Variants in ZFAND3 observed in about 807,000 individuals in gnomAD.
ZFAND3 encodes AN1-type zinc finger protein 3.
ZFAND3 carries 10 observed loss-of-function variants against 29.6 expected under a neutral mutation model. The observed-to-expected ratio is 0.34, with a 90% confidence interval of 0.21 to 0.57. ZFAND3 has a LOEUF of 0.57. Among genes scored for constraint, ZFAND3 ranks in the 20% least tolerant of loss-of-function variants. ZFAND3 has a pLI of 0.86. For missense variants in ZFAND3, 230 were observed against 304.5 expected (o/e 0.76, Z 1.82); for synonymous variants, 128 against 112.6 (o/e 1.14, Z -0.87).
At chr6:37,953,451 T>A (rs1351702585) in intron 2 of ZFAND3, among the ~76,000 whole-genome samples, 1 of 148,214 alleles carries the variant, frequency 6.7e-6, no homozygotes, top group East Asian at 2.0e-4. Flanking sequence ...CTTTTTTTTT[T>A]TTTTTTTTTG....
At chr6:38,046,454 A>T (rs1581868973) in intron 2 of ZFAND3, among the ~76,000 whole-genome samples, 1 of 152,250 alleles carries the variant, frequency 6.6e-6, no homozygotes, top group African/African-American at 2.4e-5. Context: ...TCCCAAATGA[A>T]AAATATTTCT....
intron 2 of ZFAND3, among the ~76,000 whole-genome samples, chr6:38,006,258 A>G (rs965780397): frequency 1.3e-5 from 2 of 152,206 alleles, no homozygotes; most frequent in East Asian, 1.9e-4. Flanking sequence ...GTTTAATAAC[A>G]GGATATGTAA....
chr6:37,855,110 G>A (rs182449252), intron 1 of ZFAND3, among the ~76,000 whole-genome samples: 45 of 150,556 alleles, frequency 3.0e-4, no homozygotes, highest in Non-Finnish European at 4.3e-4. Flanking sequence ...GCAAGGTAGC[G>A]CTAAGGGAGT....
intron 1 of ZFAND3, among the ~76,000 whole-genome samples, chr6:37,823,855 A>G (rs1253851772): frequency 6.6e-6 from 1 of 151,804 alleles, no homozygotes; most frequent in African/African-American, 2.4e-5. Flanking sequence ...GCAATGGCGC[A>G]AGCTTGGCTC....
chr6:38,058,095 A>G (rs1176942413), intron 2 of ZFAND3, among the ~76,000 whole-genome samples: 2 of 152,226 alleles, frequency 1.3e-5, no homozygotes, highest in Admixed American at 1.3e-4. Flanking sequence ...TCAAAGTAGC[A>G]TGGCAAGCAT....
chr6:38,055,804 C>A (rs983952525), intron 2 of ZFAND3, among the ~76,000 whole-genome samples: 1 of 152,128 alleles, frequency 6.6e-6, no homozygotes, highest in African/African-American at 2.4e-5. Flanking sequence ...TAAGAGTACC[C>A]TTAAAGACAC....
intron 4 of ZFAND3, among the ~76,000 whole-genome samples, chr6:38,109,178 C>CT (rs1210795483): frequency 0.081 from 10,528 of 130,680 alleles, 539 homozygotes; most frequent in Non-Finnish European, 0.092. Flanking sequence ...GCTGCCATGA[C>CT]TTTTTTTTTT....
At chr6:38,003,708 G>A (rs576941291) in intron 2 of ZFAND3, 8 of 333,340 alleles carry the variant, frequency 2.4e-5, no homozygotes, top group Non-Finnish European at 4.2e-5. Context: ...GTTTTGCCAT[G>A]TTGACCAGGC....
At chr6:38,103,426 C>CATATATATACACGTGT (rs1352820100) in intron 4 of ZFAND3, among the ~76,000 whole-genome samples, 1 of 133,192 alleles carries the variant, frequency 7.5e-6, no homozygotes, top group Non-Finnish European at 1.6e-5. Context: ...TATACACACA[C>CATATATATACACGTGT]ATATATATAC....
intron 1 of ZFAND3, among the ~76,000 whole-genome samples, chr6:37,882,608 A>G (rs534604555): frequency 5.9e-5 from 9 of 151,534 alleles, no homozygotes; most frequent in African/African-American, 1.7e-4. Context: ...GCCCCTCCCA[A>G]TCCCCACCAC....
intron 1 of ZFAND3, among the ~76,000 whole-genome samples, chr6:37,828,465 A>G (rs1405866280): frequency 6.6e-6 from 1 of 152,200 alleles, no homozygotes; most frequent in Non-Finnish European, 1.5e-5. Context: ...AAGATTTACG[A>G]TGAGACACAT....
At chr6:38,144,184 A>AATATATATATATATATATATATATATAAT (rs1257637281) in intron 5 of ZFAND3, among the ~76,000 whole-genome samples, 4 of 42,544 alleles carry the variant, frequency 9.4e-5, no homozygotes, top group African/African-American at 2.1e-4. Flanking sequence ...ATATATATAT[A>AATATATATATATATATATATATATATAAT]ATATATATAT....
chr6:38,010,904 CTTT>C (rs35362297), intron 2 of ZFAND3, among the ~76,000 whole-genome samples: 3 of 131,082 alleles, frequency 2.3e-5, no homozygotes, highest in Non-Finnish European at 1.6e-5. Flanking sequence ...CCCGGCCCAA[CTTT>C]TTTTTTTTTT....
chr6:37,974,619 C>T (rs1439001655), intron 2 of ZFAND3, among the ~76,000 whole-genome samples: 1 of 152,038 alleles, frequency 6.6e-6, no homozygotes. Flanking sequence ...TGGTCTCAAA[C>T]TCATGGGCTC....
intron 1 of ZFAND3, among the ~76,000 whole-genome samples, chr6:37,831,987 G>A (rs1168856858): frequency 6.6e-6 from 1 of 152,192 alleles, no homozygotes; most frequent in African/African-American, 2.4e-5. Flanking sequence ...GGATGCATTG[G>A]AGTGTATAGG....
chr6:37,844,468 C>T (rs1002236711), intron 1 of ZFAND3, among the ~76,000 whole-genome samples: 11 of 151,136 alleles, frequency 7.3e-5, no homozygotes, highest in East Asian at 2.0e-4. Flanking sequence ...TTCTTAGTAG[C>T]GATGGGGTTT....
intron 2 of ZFAND3, among the ~76,000 whole-genome samples, chr6:37,993,664 T>C (rs78363519): frequency 1.3e-3 from 203 of 152,296 alleles, no homozygotes; most frequent in Non-Finnish European, 2.3e-3. Context: ...CTCCAAATTA[T>C]TGATAACATG....
At chr6:37,844,810 C>T (rs550527047) in intron 1 of ZFAND3, among the ~76,000 whole-genome samples, 7 of 150,204 alleles carry the variant, frequency 4.7e-5, no homozygotes, top group African/African-American at 1.5e-4. Flanking sequence ...GTCAGGAGAT[C>T]GAGACCAGCC....
intron 4 of ZFAND3, among the ~76,000 whole-genome samples, chr6:38,109,600 T>G (rs1004201004): frequency 6.6e-6 from 1 of 152,080 alleles, no homozygotes; most frequent in East Asian, 1.9e-4. Flanking sequence ...GGTATCATGG[T>G]GTACCGCCAA....
Sources: allele counts gnomAD v4.1 joint callset (sites outside exome capture counted in the v4.1 genomes callset), GRCh38; gene constraint gnomAD v4.1.1; transcripts MANE v1.5; gene names NCBI Gene and HGNC (gene_info 2026-07-23, HGNC 2026-07-21).